Variants in PLXNA2 observed in about 807,000 individuals in gnomAD.
PLXNA2 encodes the protein plexin-A2.
PLXNA2 carries 91 observed loss-of-function variants against 193.5 expected under a neutral mutation model. That is an observed-to-expected ratio of 0.47 (90% CI 0.40 to 0.56). The LOEUF (loss-of-function observed/expected upper bound fraction) is 0.56, where lower values mean the gene tolerates loss of function less well. PLXNA2 is among the 20% of genes least tolerant of loss of function. The probability of loss-of-function intolerance (pLI) is 0.00; values close to 1 mark genes in which losing one functional copy is unlikely to be tolerated. For synonymous variants in PLXNA2, 997 were observed against 1,027.3 expected, an observed-to-expected ratio of 0.97 and a Z score of 0.56; for missense variants, 1,995 against 2,503.2, an observed-to-expected ratio of 0.80 and a Z score of 4.33.
chr1:208,151,614 A>G (rs911119081), intron 3 of PLXNA2, among the ~76,000 whole-genome samples: 1 of 152,326 alleles, frequency 6.6e-6, no homozygotes, highest in South Asian at 2.1e-4. Flanking sequence ...CTCTCTCTTT[A>G]TAAGTTTAGT....
chr1:208,168,534 C>CCCTATTG (rs1055166212), intron 3 of PLXNA2, among the ~76,000 whole-genome samples: 1 of 151,948 alleles, frequency 6.6e-6, no homozygotes, highest in Non-Finnish European at 1.5e-5. Context: ...GAGTCTATTG[C>CCCTATTG]CCCCACTTTG....
chr1:208,194,727 C>T (rs1670301465), intron 3 of PLXNA2, among the ~76,000 whole-genome samples: 1 of 152,194 alleles, frequency 6.6e-6, no homozygotes, highest in Non-Finnish European at 1.5e-5. Flanking sequence ...TGCTGCTGTC[C>T]TTCTCCACCT....
At chr1:208,045,242 T>C (rs756957463) in intron 18 of PLXNA2, 32 bp from the exon 19 acceptor site, 11 of 1,606,464 alleles carry the variant, frequency 6.8e-6, no homozygotes, top group African/African-American at 2.7e-5. Flanking sequence ...ATAGGCATAA[T>C]TGACACATGC....
intron 3 of PLXNA2, among the ~76,000 whole-genome samples, chr1:208,152,491 A>G (rs1457247946): frequency 3.3e-5 from 5 of 152,208 alleles, no homozygotes. Flanking sequence ...TGCCAGATTA[A>G]TCTTCTTAAA....
intron 22 of PLXNA2, among the ~76,000 whole-genome samples, chr1:208,040,864 C>T (rs1475561908): frequency 1.3e-5 from 2 of 152,212 alleles, no homozygotes; most frequent in African/African-American, 2.4e-5. Flanking sequence ...CCTTCCCATC[C>T]CAGGGCTACA....
At chr1:208,081,095 C>T (rs1334651176) in intron 11 of PLXNA2, among the ~76,000 whole-genome samples, 2 of 152,210 alleles carry the variant, frequency 1.3e-5, no homozygotes, top group South Asian at 2.1e-4. Context: ...GATGCAACAG[C>T]TCGGATGTGG....
chr1:208,228,087 T>C (rs1304270833), intron 1 of PLXNA2, among the ~76,000 whole-genome samples: 1 of 152,140 alleles, frequency 6.6e-6, no homozygotes, highest in Non-Finnish European at 1.5e-5. Context: ...CCACTTACTC[T>C]CCTTTGAAGC....
intron 3 of PLXNA2, among the ~76,000 whole-genome samples, chr1:208,175,419 A>C (rs1305235005): frequency 6.6e-6 from 1 of 152,130 alleles, no homozygotes; most frequent in Non-Finnish European, 1.5e-5. Context: ...CCCCCACTGT[A>C]TCCCTCCAGG....
At chr1:208,238,195 AG>A (rs1214388486) in intron 1 of PLXNA2, among the ~76,000 whole-genome samples, 1 of 152,092 alleles carries the variant, frequency 6.6e-6, no homozygotes, top group Non-Finnish European at 1.5e-5. Context: ...CGGGGATCAG[AG>A]GAGACAGGCT....
chr1:208,189,238 G>C (rs1191047048), intron 3 of PLXNA2, among the ~76,000 whole-genome samples: 1 of 152,180 alleles, frequency 6.6e-6, no homozygotes, highest in Non-Finnish European at 1.5e-5. Flanking sequence ...TGCTAAGTTA[G>C]GGATGAAGTG....
intron 3 of PLXNA2, among the ~76,000 whole-genome samples, chr1:208,169,849 G>T (rs76788462): frequency 6.7e-6 from 1 of 150,086 alleles, no homozygotes; most frequent in Non-Finnish European, 1.5e-5. Flanking sequence ...AAAAAAAAAA[G>T]ATGACTTAGA....
chr1:208,160,165 G>A (rs1320391285), intron 3 of PLXNA2, among the ~76,000 whole-genome samples: 1 of 152,206 alleles, frequency 6.6e-6, no homozygotes, highest in Non-Finnish European at 1.5e-5. Flanking sequence ...TGCTACCAGA[G>A]ATAGATAGCA....
At chr1:208,120,739 C>G (rs1667782996) in intron 4 of PLXNA2, among the ~76,000 whole-genome samples, 1 of 152,156 alleles carries the variant, frequency 6.6e-6, no homozygotes, top group Non-Finnish European at 1.5e-5. Context: ...GTGGGTCTCC[C>G]AGAGTTCTGG....
At chr1:208,163,712 A>C (rs1669206611) in intron 3 of PLXNA2, among the ~76,000 whole-genome samples, 1 of 152,188 alleles carries the variant, frequency 6.6e-6, no homozygotes, top group South Asian at 2.1e-4. Flanking sequence ...CTGCTTATTG[A>C]ACTTTGGACA....
intron 12 of PLXNA2, among the ~76,000 whole-genome samples, chr1:208,076,142 A>C (rs929965556): frequency 1.3e-5 from 2 of 151,546 alleles, no homozygotes; most frequent in Non-Finnish European, 2.9e-5. Context: ...ATCATAGTTC[A>C]CTGTAGCCTC....
At chr1:208,129,236 G>A (rs1668072733) in intron 4 of PLXNA2, among the ~76,000 whole-genome samples, 1 of 152,198 alleles carries the variant, frequency 6.6e-6, no homozygotes, top group Non-Finnish European at 1.5e-5. Flanking sequence ...GGATTGGCAA[G>A]GTTACAACGG....
At chr1:208,105,660 C>A (rs1013730081) in intron 4 of PLXNA2, among the ~76,000 whole-genome samples, 1 of 152,206 alleles carries the variant, frequency 6.6e-6, no homozygotes, top group African/African-American at 2.4e-5. Context: ...AGGTATCTGC[C>A]GGAGACCTTC....
chr1:208,043,467 GA>G (rs34299980), intron 20 of PLXNA2, among the ~76,000 whole-genome samples: 4,009 of 151,910 alleles, frequency 0.026, 135 homozygotes, highest in East Asian at 0.1. Context: ...TTTCAACAAG[GA>G]AAAAAAAGTA....
chr1:208,169,501 G>C (rs1249874), intron 3 of PLXNA2, among the ~76,000 whole-genome samples: 54,214 of 152,120 alleles, frequency 0.36, 10,777 homozygotes, highest in Middle Eastern at 0.47. Context: ...TCTATTTTGG[G>C]TGTACGTGGC....
Sources: allele counts gnomAD v4.1 joint callset (sites outside exome capture counted in the v4.1 genomes callset), GRCh38; gene constraint gnomAD v4.1.1; transcripts MANE v1.5; gene names NCBI Gene and HGNC (gene_info 2026-07-23, HGNC 2026-07-21).